The following POU2F3 variants were observed in gnomAD, a reference collection of about 807,000 sequenced individuals.
POU2F3 encodes the protein POU class 2 homeobox 3, also known as POU domain, class 2, transcription factor 3.
A neutral mutation model predicts 59.2 loss-of-function variants in POU2F3; 23 were observed. That is an observed-to-expected ratio of 0.39 (90% CI 0.28 to 0.55). The LOEUF (loss-of-function observed/expected upper bound fraction) is 0.55, where lower values mean the gene tolerates loss of function less well. Among genes scored for constraint, POU2F3 ranks in the 20% least tolerant of loss-of-function variants. The pLI is 0.66. For missense variants in POU2F3, 473 were observed against 544.5 expected, an observed-to-expected ratio of 0.87 and a Z score of 1.31; for synonymous variants, 190 against 214.6, an observed-to-expected ratio of 0.89 and a Z score of 1.00.
In POU2F3 at chr11:120,317,321, T is replaced by C; in HGVS notation, c.1228T>C (p.Ser410Pro). ...ASSPTASQNN[S>P]KAAVNSASSF... ...CAGCCCCACTGCATCTCAAAATAACTCCAAAGCAGCAGTGAACTCCGCCTC... is the reference window on the plus strand; with the variant it reads ...CAGCCCCACTGCATCTCAAAATAACCCCAAAGCAGCAGTGAACTCCGCCTC... The change falls in exon 12 of 13, where the codon TCC becomes CCC. Residue 410 changes from serine (S) to proline (P), a missense_variant. Coordinates refer to ENST00000543440, the MANE Select transcript of POU2F3 (RefSeq NM_014352.4). 1 of 1,613,970 alleles carries C rather than the reference T, an allele frequency of 6.2e-7. No homozygotes were observed. Among genetic ancestry groups the C allele is most frequent in the Non-Finnish European group, 8.5e-7 (1 of 1,179,992 alleles).
Position 120,242,673 on chromosome 11 carries a change from C to G in POU2F3, c.28+2302C>G, listed in dbSNP as rs150494907. Reference sequence around the variant, plus strand: ...GGTCGCCCACTCCAAGGGCTCCACTCGCACTGAGGCCAGCTGGAGTTAGCC... The same window carrying G: ...GGTCGCCCACTCCAAGGGCTCCACTGGCACTGAGGCCAGCTGGAGTTAGCC... On this transcript the variant is annotated intron_variant, in intron 1 of 12. Transcript: ENST00000543440. 2.2e-3 allele frequency among the ~76,000 whole-genome samples: 331 copies of G among 152,286 alleles called. 2 individuals carry two copies. Among genetic ancestry groups the G allele is most frequent in the Non-Finnish European group, 3.2e-3 (218 of 68,024 alleles).
At chr11:120,275,823 G>T (rs1297954872) in intron 3 of POU2F3, among the ~76,000 whole-genome samples, 1 of 152,196 alleles carries the variant, frequency 6.6e-6, no homozygotes, top group Non-Finnish European at 1.5e-5. Flanking sequence ...CTCGTCCTGA[G>T]GAGTTGCCCT....
chr11:120,258,340 G>C (rs1939440482), intron 2 of POU2F3, among the ~76,000 whole-genome samples: 1 of 152,164 alleles, frequency 6.6e-6, no homozygotes, highest in Admixed American at 6.5e-5. Context: ...TGCTGGTCTG[G>C]AATCAGTGTT....
At chr11:120,263,549 T>G (rs1939694973) in intron 2 of POU2F3, among the ~76,000 whole-genome samples, 1 of 152,268 alleles carries the variant, frequency 6.6e-6, no homozygotes, top group African/African-American at 2.4e-5. Context: ...GCCTAAGCTG[T>G]TGATTAAGGT....
rs375092862 is a variant in POU2F3 at position 120,309,392 on chromosome 11, C to T, written c.907-33C>T. On this transcript the variant is annotated intron_variant, in intron 9 of 12. Transcript: ENST00000543440. ...TGTTCCCTGCCCCTGATTCCCTTCT[C>T]TTGGCCATACTCTGTCCTTTCGGTG... 8.9e-6 allele frequency: 14 copies of T among 1,574,276 alleles called. No individual in the cohort carries two copies. In the African/African-American group the frequency reaches 1.6e-4, roughly 18 times the overall value.
chr11:120,271,752 G>A (rs1377722106), intron 3 of POU2F3, among the ~76,000 whole-genome samples: 3 of 152,220 alleles, frequency 2.0e-5, no homozygotes, highest in Non-Finnish European at 4.4e-5. Context: ...TTCCCCACAC[G>A]GTGGCTGCTG....
Position 120,318,576 on chromosome 11 carries a change from A to C in POU2F3, c.*184A>C. ...CGGAGATCCAAACTGTGATTGAACC[A>C]AGTGCAGACTCCTAATGCTCTTGAA... On this transcript the variant is annotated 3_prime_UTR_variant, in exon 13 of 13. Transcript: ENST00000543440. The C allele has an allele frequency of 1.6e-6, 1 of 617,158 alleles. No individual in the cohort carries two copies. Among genetic ancestry groups the C allele is most frequent in the East Asian group, 2.8e-5 (1 of 36,222 alleles). 38.2% of individuals were successfully genotyped at this position (617,158 alleles called of 1,614,324 possible). A position where few individuals can be genotyped will look rare whatever the true frequency, so the allele number is the denominator to read the frequency against.
At chr11:120,251,141 T>A (rs995816779) in intron 2 of POU2F3, among the ~76,000 whole-genome samples, 4 of 152,172 alleles carry the variant, frequency 2.6e-5, no homozygotes, top group African/African-American at 4.8e-5. Context: ...CTAATTTTTT[T>A]AAATTATCTC....
chr11:120,252,276 G>T (rs1259474521), intron 2 of POU2F3, among the ~76,000 whole-genome samples: 2 of 135,676 alleles, frequency 1.5e-5, no homozygotes, highest in African/African-American at 5.7e-5. Flanking sequence ...GCACGATCTT[G>T]GCTCACTGCA....
chr11:120,243,221 C>T (rs991009070), intron 1 of POU2F3, among the ~76,000 whole-genome samples: 4 of 152,148 alleles, frequency 2.6e-5, no homozygotes, highest in African/African-American at 9.7e-5. Context: ...GTGCCGCCAT[C>T]AGCAGGTATG....
intron 6 of POU2F3, chr11:120,303,657 A>C (rs189630288): frequency 3.3e-5 from 5 of 152,316 alleles, no homozygotes; most frequent in Admixed American, 2.6e-4. Context: ...CACTCTCCTC[A>C]CACACCCTCT....
chr11:120,283,772 C>CCTGTGTGTGTGTGT, intron 3 of POU2F3, among the ~76,000 whole-genome samples: 1 of 130,446 alleles, frequency 7.7e-6, no homozygotes, highest in South Asian at 2.8e-4. Context: ...TAATAGGCTT[C>CCTGTGTGTGTGTGT]GTGTGTGTGT....
intron 3 of POU2F3, among the ~76,000 whole-genome samples, chr11:120,272,345 G>C (rs1448936385): frequency 2.6e-5 from 4 of 152,178 alleles, no homozygotes; most frequent in Non-Finnish European, 5.9e-5. Flanking sequence ...ATGAGGCCTT[G>C]CTGCACCTGC....
chr11:120,280,021 C>T (rs1314006733), intron 3 of POU2F3, among the ~76,000 whole-genome samples: 4 of 152,156 alleles, frequency 2.6e-5, no homozygotes, highest in African/African-American at 9.7e-5. Context: ...AGGGGTCCTT[C>T]ACCTGATTGT....
intron 3 of POU2F3, among the ~76,000 whole-genome samples, chr11:120,276,584 G>C (rs1940335538): frequency 6.6e-6 from 1 of 152,064 alleles, no homozygotes; most frequent in South Asian, 2.1e-4. Context: ...GCAGGGCGGG[G>C]CAGGCTAAGA....
intron 5 of POU2F3, among the ~76,000 whole-genome samples, chr11:120,300,456 G>T (rs1941410): frequency 6.6e-6 from 1 of 151,786 alleles, no homozygotes; most frequent in East Asian, 1.9e-4. Context: ...ATCTCCATCA[G>T]CTAGGGTCAA....
intron 6 of POU2F3, 37 bp downstream of exon 6, chr11:120,302,405 G>A (rs754516099): frequency 5.8e-6 from 9 of 1,539,334 alleles, no homozygotes; most frequent in East Asian, 2.2e-5. Flanking sequence ...CTCTAGGAAT[G>A]TCTCAGCTCT....
At chr11:120,263,426 A>G (rs1195905832) in intron 2 of POU2F3, among the ~76,000 whole-genome samples, 1 of 152,200 alleles carries the variant, frequency 6.6e-6, no homozygotes, top group African/African-American at 2.4e-5. Context: ...GTCTCCTGTT[A>G]GAGCCTACCA....
At chr11:120,270,308 A>G (rs1055888340) in intron 3 of POU2F3, among the ~76,000 whole-genome samples, 1 of 152,186 alleles carries the variant, frequency 6.6e-6, no homozygotes, top group Non-Finnish European at 1.5e-5. Flanking sequence ...GAATGTCTAT[A>G]GAGAGAGGGA....
Sources: allele counts gnomAD v4.1 joint callset (sites outside exome capture counted in the v4.1 genomes callset), GRCh38; gene constraint gnomAD v4.1.1; transcripts MANE v1.5; gene names NCBI Gene and HGNC (gene_info 2026-07-23, HGNC 2026-07-21).